JAZF1: variants seen among roughly 807,000 people sequenced by gnomAD.
The protein encoded by JAZF1 is JAZF zinc finger 1, also known as juxtaposed with another zinc finger protein 1.
JAZF1 carries 8 observed loss-of-function variants against 26.4 expected under a neutral mutation model. The ratio of observed to expected loss-of-function variants is 0.30; its 90% CI spans 0.18 to 0.55. The LOEUF (loss-of-function observed/expected upper bound fraction) is 0.55, where lower values mean the gene tolerates loss of function less well. JAZF1 is among the 20% of genes least tolerant of loss of function. The pLI is 0.94. For missense variants in JAZF1, 199 were observed against 322.0 expected, an observed-to-expected ratio of 0.62 and a Z score of 2.92; for synonymous variants, 126 against 122.3, an observed-to-expected ratio of 1.03 and a Z score of -0.20.
intron 3 of JAZF1, among the ~76,000 whole-genome samples, chr7:27,856,710 G>A (rs1288464303): frequency 6.6e-6 from 1 of 152,144 alleles, no homozygotes; most frequent in East Asian, 1.9e-4. Context: ...TAGACACAGA[G>A]TGCTGATTGG....
chr7:27,873,054 C>T (rs900505586), intron 3 of JAZF1, among the ~76,000 whole-genome samples: 2 of 152,126 alleles, frequency 1.3e-5, no homozygotes, highest in Admixed American at 6.5e-5. Flanking sequence ...TTATATTAAG[C>T]GACGGGGTAG....
intron 1 of JAZF1, among the ~76,000 whole-genome samples, chr7:28,011,275 G>A (rs1055832999): frequency 2.6e-5 from 4 of 152,176 alleles, no homozygotes; most frequent in Admixed American, 2.6e-4. Flanking sequence ...TTCAATTATA[G>A]TCTCTTGAAA....
intron 1 of JAZF1, among the ~76,000 whole-genome samples, chr7:28,066,602 C>CAAAA (rs911062551): frequency 7.6e-4 from 24 of 31,760 alleles, no homozygotes; most frequent in African/African-American, 1.7e-3. Context: ...GACTCCATCT[C>CAAAA]AAAAAAAAAA....
chr7:27,864,424 CCTTTT>C (rs1254667448), intron 3 of JAZF1, among the ~76,000 whole-genome samples: 1 of 152,186 alleles, frequency 6.6e-6, no homozygotes, highest in Non-Finnish European at 1.5e-5. Context: ...GCCCCTTCAT[CCTTTT>C]CTTCTTTTCA....
intron 1 of JAZF1, among the ~76,000 whole-genome samples, chr7:28,140,374 T>C (rs921071766): frequency 2.0e-5 from 3 of 152,124 alleles, no homozygotes; most frequent in Non-Finnish European, 2.9e-5. Context: ...TGAGCCACCA[T>C]GCCCAGCCAA....
At chr7:27,947,970 C>G (rs1477689782) in intron 2 of JAZF1, among the ~76,000 whole-genome samples, 1 of 151,926 alleles carries the variant, frequency 6.6e-6, no homozygotes, top group African/African-American at 2.4e-5. Context: ...TTATCTTACA[C>G]TTAGGTCTTT....
intron 1 of JAZF1, among the ~76,000 whole-genome samples, chr7:27,995,212 A>G (rs1467338360): frequency 6.6e-6 from 1 of 152,234 alleles, no homozygotes; most frequent in Admixed American, 6.5e-5. Flanking sequence ...GCCGATAAAA[A>G]TCTGGAACTA....
At chr7:28,047,533 T>C (rs1783517612) in intron 1 of JAZF1, among the ~76,000 whole-genome samples, 1 of 152,190 alleles carries the variant, frequency 6.6e-6, no homozygotes, top group South Asian at 2.1e-4. Context: ...ATAGACGTTT[T>C]TTGTTAATTT....
chr7:28,145,173 T>C (rs555579353), intron 1 of JAZF1, among the ~76,000 whole-genome samples: 2 of 152,302 alleles, frequency 1.3e-5, no homozygotes, highest in Admixed American at 1.3e-4. Flanking sequence ...GCTCCCATCC[T>C]TGATCCCTTC....
intron 3 of JAZF1, among the ~76,000 whole-genome samples, chr7:27,861,313 T>A (rs193125085): frequency 0.013 from 1,969 of 151,102 alleles, 25 homozygotes; most frequent in Non-Finnish European, 0.017. Context: ...TTGAAAAAAA[T>A]TTTTTTTTTA....
intron 1 of JAZF1, among the ~76,000 whole-genome samples, chr7:28,156,129 T>C (rs1392420302): frequency 6.6e-6 from 1 of 152,194 alleles, no homozygotes; most frequent in Non-Finnish European, 1.5e-5. Flanking sequence ...CACCAAATCA[T>C]CTAAATCATT....
At chr7:27,918,785 C>T (rs1326710736) in intron 2 of JAZF1, among the ~76,000 whole-genome samples, 1 of 151,264 alleles carries the variant, frequency 6.6e-6, no homozygotes, top group African/African-American at 2.4e-5. Context: ...TCCCTCTTTC[C>T]AAAATGAATT....
intron 2 of JAZF1, among the ~76,000 whole-genome samples, chr7:27,954,981 C>T (rs1421369951): frequency 6.6e-6 from 1 of 152,170 alleles, no homozygotes; most frequent in Non-Finnish European, 1.5e-5. Context: ...TGGTCTCGTA[C>T]TCCCGACCTC....
intron 2 of JAZF1, among the ~76,000 whole-genome samples, chr7:27,949,708 A>G (rs1304705923): frequency 6.6e-6 from 1 of 152,238 alleles, no homozygotes; most frequent in Non-Finnish European, 1.5e-5. Context: ...GGTTGCAATG[A>G]GCCGAAATTG....
chr7:28,137,853 C>A (rs539856545), intron 1 of JAZF1, among the ~76,000 whole-genome samples: 2 of 152,300 alleles, frequency 1.3e-5, no homozygotes, highest in Non-Finnish European at 2.9e-5. Context: ...CTTCCAAGAA[C>A]TTTCCGTGTA....
chr7:28,045,166 AG>A (rs1466441374), intron 1 of JAZF1, among the ~76,000 whole-genome samples: 7 of 39,908 alleles, frequency 1.8e-4, no homozygotes, highest in Non-Finnish European at 2.8e-4. Context: ...GAGGGGCAGG[AG>A]GTGGGGGTGG....
At chr7:28,063,608 TCA>T (rs1783833942) in intron 1 of JAZF1, among the ~76,000 whole-genome samples, 1 of 152,156 alleles carries the variant, frequency 6.6e-6, no homozygotes, top group South Asian at 2.1e-4. Context: ...TAGTTTCATA[TCA>T]CATCTATTTG....
chr7:27,941,671 T>C (rs577756913), intron 2 of JAZF1, among the ~76,000 whole-genome samples: 1 of 152,346 alleles, frequency 6.6e-6, no homozygotes, highest in Non-Finnish European at 1.5e-5. Flanking sequence ...GTACCTGTGA[T>C]GACCTTTTAT....
chr7:28,032,770 A>C (rs1783213283), intron 1 of JAZF1, among the ~76,000 whole-genome samples: 1 of 152,196 alleles, frequency 6.6e-6, no homozygotes, highest in Non-Finnish European at 1.5e-5. Flanking sequence ...AATTCTAGCC[A>C]GGAAGAGACC....
Sources: gnomAD v4.1 joint callset for allele counts (sites outside exome capture counted in the v4.1 genomes callset) on GRCh38, gnomAD v4.1.1 for gene constraint, MANE v1.5 for transcripts, NCBI Gene and HGNC (gene_info 2026-07-23, HGNC 2026-07-21) for gene names.